The following KRTAP26-1 variants were observed in gnomAD, a reference collection of about 807,000 sequenced individuals.
KRTAP26-1 encodes keratin-associated protein 26-1.
For missense variants in KRTAP26-1, 273 were observed against 260.9 expected (o/e 1.05, Z -0.32); for synonymous variants, 111 against 103.3 (o/e 1.07, Z -0.45).
Position 30,319,907 on chromosome 21 carries a change from G to A in KRTAP26-1, c.129C>T (p.Pro43=), listed in dbSNP as rs1356534219. The part of the protein sequence containing the change: ...SVSCGDVLYL[P]TSSQDHTWVT... ...CCCAGGTATGGTCTTGAGAGCTAGT[G>A]GGTAAGTAGAGGACATCTCCACAGC... Residue 43 remains proline (P), a synonymous_variant, in exon 1 of 1, where the codon CCC becomes CCT. Coordinates refer to ENST00000360542, the MANE Select transcript of KRTAP26-1 (RefSeq NM_203405.2). The A allele has an allele frequency of 7.4e-6, 12 of 1,614,158 alleles. No homozygotes were observed. The highest frequency in any genetic ancestry group is 1.1e-5 in the South Asian group (1 of 91,080).
Position 30,319,173 on chromosome 21 carries a change from T to C in KRTAP26-1, c.*230A>G. The C allele has an allele frequency of 2.7e-6, 1 of 370,132 alleles. No individual in the cohort carries two copies. The allele number at this position is 370,132 out of a possible 1,614,324, so 22.9% of individuals were successfully genotyped here. A position where few individuals can be genotyped will look rare whatever the true frequency, so the allele number is the denominator to read the frequency against. ...TTATTATAGTGCAAAACAAATACATTCTTCCCAGACCAGAGCAACATTGAA... is the reference window on the plus strand; with the variant it reads ...TTATTATAGTGCAAAACAAATACATCCTTCCCAGACCAGAGCAACATTGAA... On this transcript the variant is annotated 3_prime_UTR_variant, in exon 1 of 1. Transcript: ENST00000360542.
chr21:30,319,261 A>G lies in KRTAP26-1; in HGVS notation c.*142T>C. The G allele has an allele frequency of 1.3e-6, 1 of 762,014 alleles. No homozygotes were observed. Among genetic ancestry groups the G allele is most frequent in the East Asian group, 2.5e-5 (1 of 39,610 alleles). 47.2% of individuals were successfully genotyped at this position (762,014 alleles called of 1,614,324 possible). A position where few individuals can be genotyped will look rare whatever the true frequency, so the allele number is the denominator to read the frequency against. On this transcript the variant is annotated 3_prime_UTR_variant, in exon 1 of 1. Coordinates refer to ENST00000360542, the MANE Select transcript of KRTAP26-1 (RefSeq NM_203405.2). ...ATGAAAACAAGATAAAACATGCGAG[A>G]GAAGCAGCTTGCATTAGATCAGGCA...
rs1465350358 is a variant in KRTAP26-1, at chr21:30,319,999, A to G, written c.37T>C (p.Ser13Pro). 1 of 1,610,476 alleles carries G rather than the reference A, an allele frequency of 6.2e-7. No individual in the cohort carries two copies. The highest frequency in any genetic ancestry group is 1.7e-5 in the Admixed American group (1 of 59,698). Residue 13 changes from serine (S) to proline (P), a missense_variant, in exon 1 of 1, where the codon TCA (serine) becomes CCA (proline). Physicochemically the swap from Ser to Pro is moderately conservative, Grantham distance 74. Transcript: ENST00000360542. ...CPNYCSGNSNSGSLRTSRHIP... is the reference protein window; with the variant it reads ...CPNYCSGNSNPGSLRTSRHIP... ...TGGCGGGAGGTTCTGAGAGATCCTG[A>G]GTTGGAGTTTCCCGAGCAGTAGTTG...
chr21:30,319,516 GAGGACGAT>G, the KRTAP26-1 span: 2 of 1,613,954 alleles, frequency 1.2e-6, no homozygotes, highest in Non-Finnish European at 1.7e-6. Flanking sequence ...TGAAGACTTT[GAGGACGAT>G]AGGCCAAGCA....
In KRTAP26-1 at chr21:30,319,756, C is replaced by T. The variant is rs746309417; in HGVS notation, c.280G>A (p.Gly94Arg). 3.1e-6 allele frequency: 5 copies of T among 1,613,858 alleles called. No homozygotes were observed. Among genetic ancestry groups the T allele is most frequent in the Non-Finnish European group, 4.2e-6 (5 of 1,179,972 alleles). The change falls in exon 1 of 1, where the codon GGA becomes AGA. Residue 94 changes from glycine to arginine, a missense_variant. Coordinates refer to ENST00000360542, the MANE Select transcript of KRTAP26-1 (RefSeq NM_203405.2). Reference sequence around the variant, plus strand: ...AAAGAAGCAGGAAGAAAACTGCTTCCTTGGCAAGGCCTGGGCACGTAGTAA... The same window carrying T: ...AAAGAAGCAGGAAGAAAACTGCTTCTTTGGCAAGGCCTGGGCACGTAGTAA... ...TAYYVPRPCQ[G>R]SSFLPASFFS...
chr21:30,319,610 G>A lies in KRTAP26-1; in HGVS notation c.426C>T (p.Ala142=). The change falls in exon 1 of 1, where the codon GCC becomes GCT. Residue 142 remains alanine, a synonymous_variant. Coordinates refer to ENST00000360542, the MANE Select transcript of KRTAP26-1 (RefSeq NM_203405.2). The part of the protein sequence containing the change: ...YQPIGDCVPN[A]YRPQFCLSKS... ...TGGACAAGCAGAATTGGGGGCGATA[G>A]GCATTGGGCACACAGTCTCCTATGG... 2 of 1,613,936 alleles carry A rather than the reference G, an allele frequency of 1.2e-6. No individual in the cohort carries two copies. Among genetic ancestry groups the A allele is most frequent in the East Asian group, 2.2e-5 (1 of 44,842 alleles).
Position 30,319,563 on chromosome 21 carries a change from A to G in KRTAP26-1, c.473T>C (p.Leu158Pro), listed in dbSNP as rs368046592. 6.2e-7 allele frequency: 1 copy of G among 1,613,756 alleles called. No homozygotes were observed. The highest frequency in any genetic ancestry group is 1.3e-5 in the African/African-American group (1 of 74,906). Residue 158 changes from leucine (L) to proline (P), a missense_variant, in exon 1 of 1, where the codon CTC (leucine) becomes CCC (proline). Coordinates refer to ENST00000360542, the MANE Select transcript of KRTAP26-1 (RefSeq NM_203405.2). Reference sequence around the variant, plus strand: ...CGAGGGTTGGCATCCAGAAGTGAGGAGGTTTTGGGGCTGGCAACTCTTGGA... The same window carrying G: ...CGAGGGTTGGCATCCAGAAGTGAGGGGGTTTTGGGGCTGGCAACTCTTGGA... ...CLSKSCQPQN[L>P]LTSGCQPSSC...
the KRTAP26-1 span, chr21:30,319,516 G>A: frequency 6.2e-7 from 1 of 1,613,836 alleles, no homozygotes; most frequent in Non-Finnish European, 8.5e-7. Context: ...TGAAGACTTT[G>A]AGGACGATAG....
chr21:30,319,932 C>G lies in KRTAP26-1; in HGVS notation c.104G>C (p.Ser35Thr). The change falls in exon 1 of 1, where the codon AGC becomes ACC. Residue 35 changes from serine to threonine, a missense_variant. Transcript: ENST00000360542. ...TSIDLCPTSV[S>T]CGDVLYLPTS... ...GGGTAAGTAGAGGACATCTCCACAGCTCACGCTGGTAGGGCAGAGGTCGAT... is the reference window on the plus strand; with the variant it reads ...GGGTAAGTAGAGGACATCTCCACAGGTCACGCTGGTAGGGCAGAGGTCGAT... 2 of 1,614,112 alleles carry G rather than the reference C, an allele frequency of 1.2e-6. No homozygotes were observed. The highest frequency in any genetic ancestry group is 2.2e-5 in the South Asian group (2 of 91,082).
chr21:30,319,534 A>G lies in KRTAP26-1; in HGVS notation c.502T>C (p.Cys168Arg). ...AGACTTTGAGGACGATAGGCCAAGC[A>G]ACTCGAGGGTTGGCATCCAGAAGTG... ...LLTSGCQPSS[C>R]LAYRPQSLHV... Residue 168 changes from cysteine (C) to arginine (R), a missense_variant, in exon 1 of 1, where the codon TGC becomes CGC. Coordinates refer to ENST00000360542, the MANE Select transcript of KRTAP26-1 (RefSeq NM_203405.2). 6.2e-7 allele frequency: 1 copy of G among 1,613,976 alleles called. No homozygotes were observed. Among genetic ancestry groups the G allele is most frequent in the South Asian group, 1.1e-5 (1 of 91,066 alleles).
Position 30,320,283 on chromosome 21 carries a change from A to C in KRTAP26-1, c.-248T>G. 2 of 372,428 alleles carry C rather than the reference A, an allele frequency of 5.4e-6. No individual in the cohort carries two copies. The highest frequency in any genetic ancestry group is 4.2e-5 in the Admixed American group (1 of 24,020). The allele number at this position is 372,428 out of a possible 1,614,324, so 23.1% of individuals were successfully genotyped here. On this transcript the variant is annotated 5_prime_UTR_variant, in exon 1 of 1. Coordinates refer to ENST00000360542, the MANE Select transcript of KRTAP26-1 (RefSeq NM_203405.2). ...ATTGATTACGTCTATCTATAAACCA[A>C]TGCGACTGAGTTTTAATAGGATCTA...
In KRTAP26-1 at chr21:30,319,695, G is replaced by A; in HGVS notation, c.341C>T (p.Pro114Leu). The stretch of plus-strand genomic sequence containing the variant: ...ACAGCCGCTGGACACATACCTCTGT[G>A]GTCTACAGGATACTGGAAGGCAGGA... ...SSSCLPVSCR[P>L]QRYVSSGCRP... The change falls in exon 1 of 1, where the codon CCA (proline) becomes CTA (leucine). Residue 114 changes from proline (P) to leucine (L), a missense_variant. By Grantham distance (98) the Pro-to-Leu change is moderately conservative (BLOSUM62 -3). Transcript: ENST00000360542. 1 of 1,613,988 alleles carries A rather than the reference G, an allele frequency of 6.2e-7. No individual in the cohort carries two copies. The highest frequency in any genetic ancestry group is 8.5e-7 in the Non-Finnish European group (1 of 1,179,970).
rs1398169327 is a variant in KRTAP26-1 at position 30,319,996 on chromosome 21, C to T, written c.40G>A (p.Gly14Arg). 20 of 1,610,962 alleles carry T rather than the reference C, an allele frequency of 1.2e-5. No homozygotes were observed. The highest frequency in any genetic ancestry group is 1.7e-5 in the Non-Finnish European group (20 of 1,178,396). The change falls in exon 1 of 1, where the codon GGA becomes AGA. Residue 14 changes from glycine to arginine, a missense_variant. Physicochemically the swap from Gly to Arg is moderately radical, Grantham distance 125. Transcript: ENST00000360542. The stretch of plus-strand genomic sequence containing the variant: ...ATATGGCGGGAGGTTCTGAGAGATC[C>T]TGAGTTGGAGTTTCCCGAGCAGTAG... The part of the protein sequence containing the change: ...PNYCSGNSNS[G>R]SLRTSRHIPL...
rs1198589582 is a variant in KRTAP26-1, at chr21:30,319,149, T to G, written c.*254A>C. 2 of 303,068 alleles carry G rather than the reference T, an allele frequency of 6.6e-6. No individual in the cohort carries two copies. Among genetic ancestry groups the G allele is most frequent in the African/African-American group, 4.3e-5 (2 of 47,044 alleles). 18.8% of individuals were successfully genotyped at this position (303,068 alleles called of 1,614,324 possible). On this transcript the variant is annotated 3_prime_UTR_variant, in exon 1 of 1. Transcript: ENST00000360542. ...TTCTTAATTTGGACTTAATCGCATTTATTATAGTGCAAAACAAATACATTC... is the reference window on the plus strand; with the variant it reads ...TTCTTAATTTGGACTTAATCGCATTGATTATAGTGCAAAACAAATACATTC...
chr21:30,319,577 G>C lies in KRTAP26-1; in HGVS notation c.459C>G (p.Cys153Trp), dbSNP rs200604885. ...YRPQFCLSKSCQPQNLLTSGC... is the reference protein window; with the variant it reads ...YRPQFCLSKSWQPQNLLTSGC... ...CAGAAGTGAGGAGGTTTTGGGGCTGGCAACTCTTGGACAAGCAGAATTGGG... is the reference window on the plus strand; with the variant it reads ...CAGAAGTGAGGAGGTTTTGGGGCTGCCAACTCTTGGACAAGCAGAATTGGG... The change falls in exon 1 of 1, where the codon TGC (cysteine) becomes TGG (tryptophan). Residue 153 changes from cysteine (C) to tryptophan (W), a missense_variant. By Grantham distance (215) the Cys-to-Trp change is radical. Coordinates refer to ENST00000360542, the MANE Select transcript of KRTAP26-1 (RefSeq NM_203405.2). The C allele has an allele frequency of 1.3e-5, 21 of 1,613,866 alleles. No homozygotes were observed. In the East Asian group the frequency reaches 4.2e-4, roughly 33 times the overall value.
At position 30,319,516 on chromosome 21, in the gene KRTAP26-1, G is replaced by C. The variant is rs560844455; in HGVS notation, c.520C>G (p.Gln174Glu). 5.9e-4 allele frequency: 945 copies of C among 1,613,954 alleles called. 9 individuals carry two copies. In the South Asian group the frequency reaches 1.0e-2, roughly 17 times the overall value. ...CTGCTGGACACAACGTGAAGACTTT[G>C]AGGACGATAGGCCAAGCAACTCGAG... ...QPSSCLAYRPQSLHVVSSSLR... is the reference protein window; with the variant it reads ...QPSSCLAYRPESLHVVSSSLR... Residue 174 changes from glutamine to glutamate, a missense_variant, in exon 1 of 1, where the codon CAA becomes GAA. By Grantham distance (29) the Gln-to-Glu change is conservative. Coordinates refer to ENST00000360542, the MANE Select transcript of KRTAP26-1 (RefSeq NM_203405.2).
In KRTAP26-1 at chr21:30,319,626, T is replaced by C. The variant is rs757948024; in HGVS notation, c.410A>G (p.Asp137Gly). The C allele has an allele frequency of 6.2e-7, 1 of 1,613,710 alleles. No individual in the cohort carries two copies. Among genetic ancestry groups the C allele is most frequent in the Non-Finnish European group, 8.5e-7 (1 of 1,179,906 alleles). The change falls in exon 1 of 1, where the codon GAC becomes GGC. Residue 137 changes from aspartate to glycine, a missense_variant. Physicochemically the swap from Asp to Gly is moderately conservative, Grantham distance 94. Coordinates refer to ENST00000360542, the MANE Select transcript of KRTAP26-1 (RefSeq NM_203405.2). ...PLLNSYQPIG[D>G]CVPNAYRPQF... is the part of the protein sequence containing the mutation. ...GGGGCGATAGGCATTGGGCACACAG[T>C]CTCCTATGGGCTGGTAACTATTGAG...
At position 30,320,137 on chromosome 21, in the gene KRTAP26-1, G is replaced by C. The variant is rs545819987; in HGVS notation, c.-102C>G. ...GACCCTTTATTTATCCCTAGAAGGTGGTGCTTCTGCGTGCAGACTCTTCCT... is the reference window on the plus strand; with the variant it reads ...GACCCTTTATTTATCCCTAGAAGGTCGTGCTTCTGCGTGCAGACTCTTCCT... On this transcript the variant is annotated 5_prime_UTR_variant, in exon 1 of 1. Transcript: ENST00000360542. 1 of 956,644 alleles carries C rather than the reference G, an allele frequency of 1.0e-6. No homozygotes were observed. The highest frequency in any genetic ancestry group is 1.9e-5 in the South Asian group (1 of 52,246). The allele number at this position is 956,644 out of a possible 1,614,324, so 59.3% of individuals were successfully genotyped here. A position where few individuals can be genotyped will look rare whatever the true frequency, so the allele number is the denominator to read the frequency against.
In KRTAP26-1 at chr21:30,319,416, C is replaced by A; in HGVS notation, c.620G>T (p.Cys207Phe). The A allele has an allele frequency of 6.3e-7, 1 of 1,598,520 alleles. No homozygotes were observed. Among genetic ancestry groups the A allele is most frequent in the Non-Finnish European group, 8.5e-7 (1 of 1,169,850 alleles). ...THVFSTCRPS[C>F]SGL ...AAGCTGCTGGTTTCACAGTCCAGAG[C>A]AAGATGGACGACACGTGCTGAACAC... The change falls in exon 1 of 1, where the codon TGC becomes TTC. Residue 207 changes from cysteine (C) to phenylalanine (F), a missense_variant. Transcript: ENST00000360542.
Sources: gnomAD v4.1 joint callset for allele counts on GRCh38, gnomAD v4.1.1 for gene constraint, MANE v1.5 for transcripts, NCBI Gene and HGNC (gene_info 2026-07-23, HGNC 2026-07-21) for gene names.